DCLK1: variants seen among roughly 807,000 people sequenced by gnomAD.
DCLK1 encodes serine/threonine-protein kinase DCLK1.
DCLK1 carries 16 observed loss-of-function variants against 86.2 expected under a neutral mutation model. The observed-to-expected ratio is 0.19, with a 90% CI of 0.13 to 0.28. The LOEUF is 0.28. DCLK1 is among the 10% of genes least tolerant of loss of function. The pLI is 1.00. For missense variants in DCLK1, 590 were observed against 940.2 expected (o/e 0.63, Z 4.87); for synonymous variants, 369 against 370.5 (o/e 1.00, Z 0.05).
intron 5 of DCLK1, among the ~76,000 whole-genome samples, chr13:35,860,388 G>A (rs965854591): frequency 3.9e-5 from 6 of 152,090 alleles, no homozygotes; most frequent in African/African-American, 4.8e-5. Flanking sequence ...GGAAGAAGAC[G>A]TACTTTTTCC....
At chr13:35,849,389 T>C in intron 6 of DCLK1, 4 of 985,190 alleles carry the variant, frequency 4.1e-6, no homozygotes, top group Non-Finnish European at 4.8e-6. Context: ...AGCCTCCAAA[T>C]GGCATCAAAC....
chr13:35,949,943 T>C (rs983338917), intron 3 of DCLK1, among the ~76,000 whole-genome samples: 6 of 151,526 alleles, frequency 4.0e-5, no homozygotes, highest in Non-Finnish European at 8.8e-5. Flanking sequence ...AAAGTAACTG[T>C]CATCACCCAG....
At chr13:35,775,388 A>T (rs907567271) in intron 16 of DCLK1, among the ~76,000 whole-genome samples, 2 of 152,190 alleles carry the variant, frequency 1.3e-5, no homozygotes, top group Non-Finnish European at 2.9e-5. Flanking sequence ...AATTTATGAA[A>T]CTGAGATTCA....
At position 35,976,736 on chromosome 13, in the gene DCLK1, G is replaced by A. The variant is rs375617312; in HGVS notation, c.724-29279C>T. ...TTTTTAGTAGAGACGGGGTTTCACC[G>A]TTTTAGCCGGGATGGTCTCGATCTC... On this transcript the variant is annotated intron_variant, in intron 3 of 16. Transcript: ENST00000360631. Among the ~76,000 whole-genome samples, 234 of 151,392 alleles carry A rather than the reference G, an allele frequency of 1.5e-3. 1 individual carries two copies. Among genetic ancestry groups the A allele is most frequent in the African/African-American group, 5.2e-3 (216 of 41,332 alleles).
chr13:35,861,756 G>T (rs897115915), intron 5 of DCLK1, among the ~76,000 whole-genome samples: 1 of 152,042 alleles, frequency 6.6e-6, no homozygotes, highest in Non-Finnish European at 1.5e-5. Flanking sequence ...GCCAGGCACA[G>T]TGGCTCACGC....
chr13:35,920,604 G>A (rs921658186), intron 4 of DCLK1, among the ~76,000 whole-genome samples: 6 of 152,128 alleles, frequency 3.9e-5, no homozygotes, highest in African/African-American at 1.4e-4. Flanking sequence ...GCCAATGAGA[G>A]ACAAGGTTGA....
At chr13:36,051,302 A>C (rs773953428) in intron 3 of DCLK1, among the ~76,000 whole-genome samples, 2 of 152,136 alleles carry the variant, frequency 1.3e-5, no homozygotes, top group Non-Finnish European at 2.9e-5. Flanking sequence ...GTTTCAACAC[A>C]TCATAATGAA....
At chr13:35,805,384 G>A in intron 15 of DCLK1, 2 of 271,386 alleles carry the variant, frequency 7.4e-6, no homozygotes, top group African/African-American at 2.2e-5. Flanking sequence ...ACCACCTCTG[G>A]TTTCCAGGGT....
chr13:35,872,613 C>A (rs1872346403), intron 4 of DCLK1, among the ~76,000 whole-genome samples: 1 of 152,110 alleles, frequency 6.6e-6, no homozygotes, highest in African/African-American at 2.4e-5. Flanking sequence ...TTTCTAGTAG[C>A]CAGAAACCAA....
At chr13:36,086,260 A>G (rs1884596763) in intron 3 of DCLK1, among the ~76,000 whole-genome samples, 1 of 152,084 alleles carries the variant, frequency 6.6e-6, no homozygotes, top group African/African-American at 2.4e-5. Context: ...TCTGTGACTT[A>G]AAACACAACC....
chr13:35,948,050 A>G (rs957819072), intron 3 of DCLK1, among the ~76,000 whole-genome samples: 3 of 152,202 alleles, frequency 2.0e-5, no homozygotes, highest in Non-Finnish European at 2.9e-5. Context: ...CAAACTCTAA[A>G]ACTCCCAGGC....
At chr13:36,050,580 T>C (rs1285045895) in intron 3 of DCLK1, among the ~76,000 whole-genome samples, 1 of 152,218 alleles carries the variant, frequency 6.6e-6, no homozygotes, top group African/African-American at 2.4e-5. Flanking sequence ...AATCTACCCA[T>C]TCAGGCAGTT....
chr13:35,789,574 A>G (rs1051426861), intron 16 of DCLK1, among the ~76,000 whole-genome samples: 4 of 152,222 alleles, frequency 2.6e-5, no homozygotes, highest in Non-Finnish European at 5.9e-5. Context: ...CAGTGTCACA[A>G]TTATATGCAT....
intron 3 of DCLK1, among the ~76,000 whole-genome samples, chr13:35,965,874 G>C (rs765609548): frequency 2.0e-5 from 3 of 152,132 alleles, no homozygotes; most frequent in Non-Finnish European, 2.9e-5. Flanking sequence ...AACAATAAGA[G>C]ACTGTAAGGG....
chr13:36,043,100 TA>T (rs910520020), intron 3 of DCLK1, among the ~76,000 whole-genome samples: 4 of 152,128 alleles, frequency 2.6e-5, no homozygotes, highest in African/African-American at 9.7e-5. Context: ...ATTAATTCTT[TA>T]AAAAAATTCT....
chr13:35,957,364 T>G (rs1431011039), intron 3 of DCLK1, among the ~76,000 whole-genome samples: 1 of 152,180 alleles, frequency 6.6e-6, no homozygotes, highest in African/African-American at 2.4e-5. Context: ...TGACTCTTAC[T>G]CAACATGCAC....
intron 2 of DCLK1, among the ~76,000 whole-genome samples, chr13:36,121,458 C>T (rs1885989911): frequency 6.6e-6 from 1 of 152,180 alleles, no homozygotes; most frequent in Non-Finnish European, 1.5e-5. Context: ...CTTCTTCCAT[C>T]TCTATCACAA....
intron 3 of DCLK1, among the ~76,000 whole-genome samples, chr13:35,973,670 CT>C (rs949017695): frequency 2.0e-5 from 3 of 152,198 alleles, no homozygotes; most frequent in Non-Finnish European, 4.4e-5. Flanking sequence ...AGAATGTAGG[CT>C]TTTCCTTCAA....
intron 3 of DCLK1, among the ~76,000 whole-genome samples, chr13:36,099,115 G>A (rs774379310): frequency 3.3e-5 from 5 of 151,908 alleles, no homozygotes; most frequent in Middle Eastern, 3.4e-3. Context: ...TTACAGGTGC[G>A]TGCCACCACA....
Sources: gnomAD v4.1 joint callset for allele counts (sites outside exome capture counted in the v4.1 genomes callset) on GRCh38, gnomAD v4.1.1 for gene constraint, MANE v1.5 for transcripts, NCBI Gene and HGNC (gene_info 2026-07-23, HGNC 2026-07-21) for gene names.